Variants in NELL1 observed in about 807,000 individuals in gnomAD.
NELL1 encodes the protein protein kinase C-binding protein NELL1.
In NELL1, 76 loss-of-function variants were observed where a neutral mutation model predicts 107.4. The ratio of observed to expected loss-of-function variants is 0.71; its 90% confidence interval spans 0.59 to 0.86. The LOEUF (loss-of-function observed/expected upper bound fraction) is 0.86. NELL1 is among the 40% of genes least tolerant of loss of function. The pLI, the probability that NELL1 is intolerant of heterozygous loss-of-function variation, is 0.00. For synonymous variants in NELL1, 353 were observed against 341.2 expected, an observed-to-expected ratio of 1.03 and a Z score of -0.38; for missense variants, 1,024 against 1,005.5, an observed-to-expected ratio of 1.02 and a Z score of -0.25.
At chr11:20,985,148 G>T (rs1410752595) in intron 12 of NELL1, among the ~76,000 whole-genome samples, 3 of 151,860 alleles carry the variant, frequency 2.0e-5, no homozygotes, top group South Asian at 2.1e-4. Context: ...AATTTGAAGT[G>T]GTTACTATTC....
intron 16 of NELL1, among the ~76,000 whole-genome samples, chr11:21,542,359 G>T (rs972984989): frequency 6.6e-6 from 1 of 152,148 alleles, no homozygotes; most frequent in East Asian, 1.9e-4. Flanking sequence ...ACAGTGATGG[G>T]CTCATAGGTA....
intron 15 of NELL1, among the ~76,000 whole-genome samples, chr11:21,525,704 A>T (rs544405482): frequency 2.6e-5 from 4 of 152,340 alleles, no homozygotes; most frequent in Admixed American, 6.5e-5. Context: ...ATCATGGCAG[A>T]AGGTGAATGA....
intron 15 of NELL1, among the ~76,000 whole-genome samples, chr11:21,391,944 T>G (rs1449940263): frequency 1.3e-5 from 2 of 151,848 alleles, no homozygotes; most frequent in African/African-American, 4.8e-5. Flanking sequence ...TTTTGAACCA[T>G]TCAGATCTTG....
At chr11:21,415,240 G>C (rs1852485002) in intron 15 of NELL1, among the ~76,000 whole-genome samples, 1 of 152,080 alleles carries the variant, frequency 6.6e-6, no homozygotes, top group South Asian at 2.1e-4. Flanking sequence ...AGAAAGACCA[G>C]GGCCATTAGA....
At chr11:20,926,056 T>C (rs1312880905) in intron 7 of NELL1, among the ~76,000 whole-genome samples, 1 of 152,062 alleles carries the variant, frequency 6.6e-6, no homozygotes, top group Non-Finnish European at 1.5e-5. Context: ...ACTTAAGACA[T>C]GAAAGGATAA....
intron 10 of NELL1, among the ~76,000 whole-genome samples, chr11:20,946,174 C>T (rs11025829): frequency 0.061 from 9,258 of 152,120 alleles, 381 homozygotes; most frequent in East Asian, 0.2. Context: ...ACTGGGATGA[C>T]GGTCTCATGA....
intron 14 of NELL1, chr11:21,284,984 AGTCT>A: frequency 5.3e-6 from 1 of 189,080 alleles, no homozygotes; most frequent in Non-Finnish European, 1.1e-5. Flanking sequence ...TATCCCTCAA[AGTCT>A]GTCCTGTCCT....
At chr11:20,846,329 G>C (rs972740804) in intron 3 of NELL1, among the ~76,000 whole-genome samples, 3 of 152,180 alleles carry the variant, frequency 2.0e-5, no homozygotes, top group Admixed American at 6.5e-5. Flanking sequence ...AGGCACAATA[G>C]ACGCTGAGTT....
chr11:21,173,319 G>T (rs1419061799), intron 13 of NELL1, among the ~76,000 whole-genome samples: 1 of 151,734 alleles, frequency 6.6e-6, no homozygotes, highest in Non-Finnish European at 1.5e-5. Context: ...ACATTTTCTG[G>T]CAATATCAAT....
At chr11:21,288,563 CAGG>C (rs1849180355) in intron 14 of NELL1, among the ~76,000 whole-genome samples, 2 of 152,222 alleles carry the variant, frequency 1.3e-5, no homozygotes, top group South Asian at 4.1e-4. Flanking sequence ...CTCTGCCACA[CAGG>C]AGCAGTGTGA....
chr11:21,272,914 A>G (rs887031338), intron 14 of NELL1, among the ~76,000 whole-genome samples: 4 of 152,244 alleles, frequency 2.6e-5, no homozygotes, highest in Non-Finnish European at 5.9e-5. Flanking sequence ...CGTCACCATC[A>G]TCAAAGACCA....
At chr11:21,359,928 C>A (rs1851032412) in intron 14 of NELL1, among the ~76,000 whole-genome samples, 1 of 152,066 alleles carries the variant, frequency 6.6e-6, no homozygotes, top group Non-Finnish European at 1.5e-5. Flanking sequence ...TTTATCTTTT[C>A]AAGAACCAGC....
At chr11:20,695,383 G>T (rs1332431541) in intron 2 of NELL1, among the ~76,000 whole-genome samples, 1 of 152,114 alleles carries the variant, frequency 6.6e-6, no homozygotes, top group East Asian at 1.9e-4. Context: ...TTCTCAAGGG[G>T]AATGCTCCCA....
intron 5 of NELL1, among the ~76,000 whole-genome samples, chr11:20,898,570 T>TAA (rs561419204): frequency 2.8e-5 from 4 of 143,602 alleles, no homozygotes; most frequent in African/African-American, 5.1e-5. Context: ...TAAAGTATAA[T>TAA]AAAAAAAAAA....
intron 5 of NELL1, among the ~76,000 whole-genome samples, chr11:20,917,932 G>C (rs996491891): frequency 2.6e-5 from 4 of 151,812 alleles, no homozygotes; most frequent in African/African-American, 9.7e-5. Flanking sequence ...ATGTGTCTTT[G>C]GTGTTATAAT....
chr11:21,466,920 C>CCAGA lies in NELL1; in HGVS notation c.1646-67451_1646-67448dup, dbSNP rs375593939. 3.5e-3 allele frequency among the ~76,000 whole-genome samples: 536 copies of CCAGA among 151,840 alleles called. 4 individuals carry two copies. The highest frequency in any genetic ancestry group is 0.013 in the African/African-American group (518 of 41,432). On this transcript the variant is annotated intron_variant, in intron 15 of 19. Transcript: ENST00000357134. ...TCATATGACGGATATGAATATCTCC[C>CCAGA]CAGACATTCATGTCAGTGAAAAAGA... is the stretch of plus-strand genomic sequence containing the variant.
chr11:21,172,352 G>A (rs1394526912), intron 13 of NELL1, among the ~76,000 whole-genome samples: 2 of 151,816 alleles, frequency 1.3e-5, no homozygotes, highest in East Asian at 3.8e-4. Context: ...TCGTGTATCA[G>A]CCTGTGGGTT....
chr11:21,076,900 G>A (rs1854149685), intron 12 of NELL1, among the ~76,000 whole-genome samples: 1 of 152,034 alleles, frequency 6.6e-6, no homozygotes, highest in African/African-American at 2.4e-5. Flanking sequence ...CCTGCCATGA[G>A]TGGGAGCAGT....
intron 5 of NELL1, among the ~76,000 whole-genome samples, chr11:20,915,624 T>G (rs1850227439): frequency 6.8e-6 from 1 of 147,588 alleles, no homozygotes; most frequent in South Asian, 2.2e-4. Flanking sequence ...AAATTTTGTC[T>G]TTTTATCCCT....
Sources: gnomAD v4.1 joint callset for allele counts (sites outside exome capture counted in the v4.1 genomes callset) on GRCh38, gnomAD v4.1.1 for gene constraint, MANE v1.5 for transcripts, NCBI Gene and HGNC (gene_info 2026-07-23, HGNC 2026-07-21) for gene names.